The following KCNH8 variants were observed in gnomAD, a reference collection of about 807,000 sequenced individuals.
The protein encoded by KCNH8 is potassium voltage-gated channel subfamily H member 8, also known as voltage-gated delayed rectifier potassium channel KCNH8.
A neutral mutation model predicts 103.6 loss-of-function variants in KCNH8; 70 were observed. The observed-to-expected ratio is 0.68, with a 90% CI of 0.56 to 0.82. The LOEUF (loss-of-function observed/expected upper bound fraction) is 0.82, where lower values mean the gene tolerates loss of function less well. Ranked by LOEUF, KCNH8 falls within the 40% of genes least tolerant of loss-of-function variation. The pLI, the probability that KCNH8 is intolerant of heterozygous loss-of-function variation, is 0.00. For missense variants in KCNH8, 1,217 were observed against 1,329.9 expected (o/e 0.92, Z 1.32); for synonymous variants, 498 against 489.4 (o/e 1.02, Z -0.23).
chr3:19,475,427 C>G (rs991267312), intron 11 of KCNH8, among the ~76,000 whole-genome samples: 4 of 152,178 alleles, frequency 2.6e-5, no homozygotes, highest in Non-Finnish European at 4.4e-5. Context: ...GAAATGCTGA[C>G]TTTGTAACCA....
At chr3:19,202,449 T>C (rs1432696013) in intron 1 of KCNH8, among the ~76,000 whole-genome samples, 1 of 152,104 alleles carries the variant, frequency 6.6e-6, no homozygotes, top group Non-Finnish European at 1.5e-5. Context: ...TTCTCAACCC[T>C]TTCCAACTCC....
chr3:19,199,583 A>C (rs1278492274), intron 1 of KCNH8, among the ~76,000 whole-genome samples: 1 of 149,540 alleles, frequency 6.7e-6, no homozygotes, highest in Non-Finnish European at 1.5e-5. Context: ...TTATATAAAT[A>C]AAATATATGA....
intron 1 of KCNH8, among the ~76,000 whole-genome samples, chr3:19,161,490 T>C (rs1218656371): frequency 6.6e-6 from 1 of 152,222 alleles, no homozygotes; most frequent in East Asian, 1.9e-4. Flanking sequence ...TGTGTTGTTA[T>C]TAGTAACAGC....
chr3:19,312,298 C>T (rs2065218001), intron 3 of KCNH8, among the ~76,000 whole-genome samples: 1 of 151,826 alleles, frequency 6.6e-6, no homozygotes, highest in Non-Finnish European at 1.5e-5. Flanking sequence ...TTTCTTTCTT[C>T]ATTTCAGAAC....
intron 7 of KCNH8, among the ~76,000 whole-genome samples, chr3:19,395,618 T>C (rs926421798): frequency 2.6e-5 from 4 of 152,052 alleles, no homozygotes; most frequent in African/African-American, 9.7e-5. Context: ...AATGTTCCGA[T>C]GCAGGGCTAG....
At chr3:19,395,045 ATGT>A (rs1426188767) in intron 6 of KCNH8, 56 bp from the exon 7 acceptor site, 2 of 1,190,666 alleles carry the variant, frequency 1.7e-6, no homozygotes, top group East Asian at 2.3e-5. Context: ...CTCCAAGTTA[ATGT>A]TGTGGTATGA....
chr3:19,312,957 A>G (rs1254613402), intron 3 of KCNH8, among the ~76,000 whole-genome samples: 1 of 151,984 alleles, frequency 6.6e-6, no homozygotes, highest in Non-Finnish European at 1.5e-5. Flanking sequence ...TGATTTCAGA[A>G]TTGGATAAGT....
intron 15 of KCNH8, among the ~76,000 whole-genome samples, chr3:19,528,403 G>A (rs1575177817): frequency 6.6e-6 from 1 of 152,036 alleles, no homozygotes; most frequent in Admixed American, 6.6e-5. Context: ...GTTTATGCTG[G>A]GACAGATGAC....
At chr3:19,198,438 T>C (rs1444640861) in intron 1 of KCNH8, among the ~76,000 whole-genome samples, 1 of 151,980 alleles carries the variant, frequency 6.6e-6, no homozygotes, top group Non-Finnish European at 1.5e-5. Flanking sequence ...TTGGCTGTGG[T>C]ACAAAATAAA....
At position 19,534,223 on chromosome 3, in the gene KCNH8, T is replaced by C. The variant is rs1465215575; in HGVS notation, c.*124T>C. The C allele has an allele frequency of 7.1e-6, 5 of 701,486 alleles. No individual in the cohort carries two copies. In the South Asian group the frequency reaches 9.7e-5, roughly 14 times the overall value. 43.5% of individuals were successfully genotyped at this position (701,486 alleles called of 1,614,324 possible). A position where few individuals can be genotyped will look rare whatever the true frequency, so the allele number is the denominator to read the frequency against. ...GCTGGGAATCCTGCAGAAAAGAGTG[T>C]GAGGAGCCAGGGAAAGGCAGAACCA... On this transcript the variant is annotated 3_prime_UTR_variant, in exon 16 of 16. Transcript: ENST00000328405.
intron 5 of KCNH8, among the ~76,000 whole-genome samples, chr3:19,367,397 T>C (rs991958065): frequency 6.8e-6 from 1 of 146,924 alleles, no homozygotes; most frequent in Non-Finnish European, 1.5e-5. Context: ...TCTCTCTCTA[T>C]ATATATATTT....
intron 11 of KCNH8, among the ~76,000 whole-genome samples, chr3:19,462,639 A>C (rs2067656642): frequency 6.6e-6 from 1 of 152,098 alleles, no homozygotes; most frequent in South Asian, 2.1e-4. Context: ...GAAGCTCTCT[A>C]GTTTAATTAG....
At chr3:19,533,189 G>A (rs2069195247) in intron 15 of KCNH8, among the ~76,000 whole-genome samples, 2 of 144,140 alleles carry the variant, frequency 1.4e-5, no homozygotes, top group Admixed American at 7.1e-5. Context: ...GGGCAACAGT[G>A]TGAGACTCCG....
At chr3:19,234,658 C>T (rs995582240) in intron 1 of KCNH8, among the ~76,000 whole-genome samples, 1 of 138,752 alleles carries the variant, frequency 7.2e-6, no homozygotes, top group African/African-American at 2.7e-5. Context: ...AGGGAGCCGG[C>T]TCCCGGCCTT....
intron 3 of KCNH8, among the ~76,000 whole-genome samples, chr3:19,291,215 T>G (rs1296022855): frequency 6.6e-6 from 1 of 152,230 alleles, no homozygotes; most frequent in East Asian, 1.9e-4. Flanking sequence ...CATTGATTTT[T>G]TGAAGGGTTT....
rs2063594543 is a variant in KCNH8 at position 19,195,740 on chromosome 3, G to A, written c.76+46945G>A. 2.0e-5 allele frequency among the ~76,000 whole-genome samples: 3 copies of A among 151,946 alleles called. No homozygotes were observed. In the South Asian group the frequency reaches 6.2e-4, roughly 31 times the overall value. On this transcript the variant is annotated intron_variant, in intron 1 of 15. Coordinates refer to ENST00000328405, the MANE Select transcript of KCNH8 (RefSeq NM_144633.3). Reference sequence around the variant, plus strand: ...CAATCAGATGTTTCAACCTGGAACTGATTCTAGAGCAAGTGACTCAAGAAA... The same window carrying A: ...CAATCAGATGTTTCAACCTGGAACTAATTCTAGAGCAAGTGACTCAAGAAA...
At chr3:19,178,187 A>G (rs2063418645) in intron 1 of KCNH8, among the ~76,000 whole-genome samples, 1 of 152,102 alleles carries the variant, frequency 6.6e-6, no homozygotes, top group Non-Finnish European at 1.5e-5. Flanking sequence ...ATAAAAAAAA[A>G]ATTACTTATT....
intron 11 of KCNH8, among the ~76,000 whole-genome samples, chr3:19,484,926 G>A (rs138465002): frequency 1.1e-3 from 173 of 152,198 alleles, no homozygotes; most frequent in Non-Finnish European, 2.2e-3. Context: ...TTCATAAGGG[G>A]AGTATTCTGT....
At chr3:19,394,250 T>C (rs1446095961) in intron 6 of KCNH8, among the ~76,000 whole-genome samples, 2 of 152,064 alleles carry the variant, frequency 1.3e-5, no homozygotes, top group African/African-American at 2.4e-5. Flanking sequence ...TAGAATGTTC[T>C]TTGAAGGTAT....
Sources: allele counts gnomAD v4.1 joint callset (sites outside exome capture counted in the v4.1 genomes callset), GRCh38; gene constraint gnomAD v4.1.1; transcripts MANE v1.5; gene names NCBI Gene and HGNC (gene_info 2026-07-23, HGNC 2026-07-21).